Variants in ZYG11A observed in about 807,000 individuals in gnomAD.
ZYG11A encodes the protein zyg-11 family member A, cell cycle regulator.
Under a neutral mutation model 77.2 loss-of-function variants are expected in ZYG11A, and 62 were observed. The ratio of observed to expected loss-of-function variants is 0.80; its 90% CI spans 0.65 to 0.99. ZYG11A has a LOEUF of 0.99. Ranked by LOEUF, ZYG11A falls within the 50% of genes least tolerant of loss-of-function variation. The pLI, the probability that ZYG11A is intolerant of heterozygous loss-of-function variation, is 0.00. For synonymous variants in ZYG11A, 315 were observed against 324.6 expected, an observed-to-expected ratio of 0.97 and a Z score of 0.32; for missense variants, 828 against 896.8, an observed-to-expected ratio of 0.92 and a Z score of 0.98.
chr1:52,874,642 G>A (rs957700470), intron 8 of ZYG11A, among the ~76,000 whole-genome samples: 13 of 152,124 alleles, frequency 8.5e-5, no homozygotes, highest in Admixed American at 2.6e-4. Context: ...TGAGGCAGGC[G>A]GATCATGTGA....
chr1:52,869,791 G>A (rs1211797758), intron 8 of ZYG11A, among the ~76,000 whole-genome samples: 2 of 151,788 alleles, frequency 1.3e-5, no homozygotes, highest in Admixed American at 6.6e-5. Context: ...TGGCTGGGCA[G>A]AGGGGCTCCT....
In ZYG11A at chr1:52,860,741, G is replaced by GAT; in HGVS notation, c.1020_1021insTA (p.Ala341Ter). The GAT allele has an allele frequency of 6.4e-7, 1 of 1,550,470 alleles. No individual in the cohort carries two copies. The highest frequency in any genetic ancestry group is 2.4e-5 in the East Asian group (1 of 40,916). Reference sequence around the variant, plus strand: ...CATCTTTATTTTCAGGTTGCTGGAGGAGCCAGTATGAGTCAGATTTCAGAA... The same window carrying GAT: ...CATCTTTATTTTCAGGTTGCTGGAGGATAGCCAGTATGAGTCAGATTTCAGAA... On this transcript the variant is annotated frameshift_variant, in exon 4 of 14. Coordinates refer to ENST00000371528, the MANE Select transcript of ZYG11A (RefSeq NM_001004339.3). LOFTEE classifies it high-confidence loss of function.
At chr1:52,877,040 C>G (rs922279574) in intron 8 of ZYG11A, among the ~76,000 whole-genome samples, 1 of 152,126 alleles carries the variant, frequency 6.6e-6, no homozygotes, top group Admixed American at 6.5e-5. Context: ...GCCTGGTGTT[C>G]TAGCCCCACT....
intron 1 of ZYG11A, 69 bp from the exon 2 acceptor site, chr1:52,854,396 A>C: frequency 7.8e-6 from 11 of 1,412,234 alleles, no homozygotes; most frequent in Non-Finnish European, 1.0e-5. Flanking sequence ...TAGGTATGGC[A>C]TGACCAGTTT....
At chr1:52,856,110 C>G (rs1030979636) in intron 2 of ZYG11A, among the ~76,000 whole-genome samples, 4 of 152,142 alleles carry the variant, frequency 2.6e-5, no homozygotes, top group Non-Finnish European at 5.9e-5. Flanking sequence ...TCTCCACGTT[C>G]TCACCAAGAC....
In ZYG11A at chr1:52,854,637, A is replaced by G. The variant is rs1472910636; in HGVS notation, c.256+7A>G. On this transcript the variant is annotated splice_region_variant and intron_variant, in intron 2 of 13. Coordinates refer to ENST00000371528, the MANE Select transcript of ZYG11A (RefSeq NM_001004339.3). ...AGGGTGATGACTTGGCAAGGTAGTGATAAGGCTTCTCTAAAGTCAGCTCTT... is the reference window on the plus strand; with the variant it reads ...AGGGTGATGACTTGGCAAGGTAGTGGTAAGGCTTCTCTAAAGTCAGCTCTT... 6.6e-7 allele frequency: 1 copy of G among 1,517,212 alleles called. No individual in the cohort carries two copies. Among genetic ancestry groups the G allele is most frequent in the Non-Finnish European group, 8.9e-7 (1 of 1,123,536 alleles). The allele number at this position is 1,517,212 out of a possible 1,614,324, so 94.0% of individuals were successfully genotyped here. A position where few individuals can be genotyped will look rare whatever the true frequency, so the allele number is the denominator to read the frequency against.
chr1:52,851,755 T>C (rs1269370348), intron 1 of ZYG11A, among the ~76,000 whole-genome samples: 1 of 151,626 alleles, frequency 6.6e-6, no homozygotes, highest in Non-Finnish European at 1.5e-5. Context: ...CTTACTTATT[T>C]TTTATTTTTT....
At chr1:52,876,993 G>T (rs1646272795) in intron 8 of ZYG11A, among the ~76,000 whole-genome samples, 1 of 152,098 alleles carries the variant, frequency 6.6e-6, no homozygotes, top group African/African-American at 2.4e-5. Context: ...TGAACCAGTG[G>T]CCTCTTCAAG....
At chr1:52,865,115 T>A (rs1268311078) in intron 5 of ZYG11A, among the ~76,000 whole-genome samples, 1 of 152,050 alleles carries the variant, frequency 6.6e-6, no homozygotes, top group Non-Finnish European at 1.5e-5. Context: ...GTTGATTTTG[T>A]ATTTTTAGTA....
chr1:52,861,461 G>A (rs908075356), intron 4 of ZYG11A, among the ~76,000 whole-genome samples: 2 of 152,126 alleles, frequency 1.3e-5, no homozygotes, highest in African/African-American at 4.8e-5. Flanking sequence ...CCAGCACTTT[G>A]GGAGGCCGAA....
intron 13 of ZYG11A, among the ~76,000 whole-genome samples, chr1:52,889,713 AT>A (rs34588418): frequency 0.58 from 76,230 of 132,446 alleles, 20,858 homozygotes; most frequent in African/African-American, 0.65. Flanking sequence ...GCTAAATACC[AT>A]TTTTTTTTTT....
chr1:52,844,308 A>G (rs1645521070), intron 1 of ZYG11A, among the ~76,000 whole-genome samples: 1 of 152,206 alleles, frequency 6.6e-6, no homozygotes, highest in South Asian at 2.1e-4. Context: ...CTAGCCTGTA[A>G]TCTTTTGAAC....
In ZYG11A at chr1:52,842,850, G is replaced by C. The variant is rs1011110599; in HGVS notation, c.-34G>C. On this transcript the variant is annotated 5_prime_UTR_variant, in exon 1 of 14. Coordinates refer to ENST00000371528, the MANE Select transcript of ZYG11A (RefSeq NM_001004339.3). Reference sequence around the variant, plus strand: ...GGATCCGGGCTCCGGCTCGACGCCGGCTCTCTTTTTGACGCCCCGCCGCCG... The same window carrying C: ...GGATCCGGGCTCCGGCTCGACGCCGCCTCTCTTTTTGACGCCCCGCCGCCG... The C allele has an allele frequency of 1.3e-6, 2 of 1,523,278 alleles. No homozygotes were observed. Among genetic ancestry groups the C allele is most frequent in the South Asian group, 1.2e-5 (1 of 81,186 alleles). 94.4% of individuals were successfully genotyped at this position (1,523,278 alleles called of 1,614,324 possible).
At chr1:52,878,121 G>T (rs1486278343) in intron 10 of ZYG11A, among the ~76,000 whole-genome samples, 152 bp downstream of exon 10, 1 of 152,174 alleles carries the variant, frequency 6.6e-6, no homozygotes, top group Non-Finnish European at 1.5e-5. Flanking sequence ...AAATACTATT[G>T]TATATCAGTT....
intron 13 of ZYG11A, among the ~76,000 whole-genome samples, chr1:52,887,366 T>G (rs948563443): frequency 6.6e-6 from 1 of 152,190 alleles, no homozygotes; most frequent in Non-Finnish European, 1.5e-5. Flanking sequence ...ATATTTAGTA[T>G]GTGCTGTATA....
Position 52,878,027 on chromosome 1 carries a change from T to C in ZYG11A, c.1749+58T>C, listed in dbSNP as rs1571872813. The C allele has an allele frequency of 1.9e-5, 27 of 1,397,446 alleles. No individual in the cohort carries two copies. In the East Asian group the frequency reaches 2.2e-4, roughly 12 times the overall value. 86.6% of individuals were successfully genotyped at this position (1,397,446 alleles called of 1,614,324 possible). On this transcript the variant is annotated intron_variant, in intron 10 of 13. Transcript: ENST00000371528. ...GCTTAAAAGCAAAACCTAACACTTA[T>C]ATAGTACCTACTATATGCTAGGCAG...
At chr1:52,885,348 T>A (rs1646431132) in intron 11 of ZYG11A, among the ~76,000 whole-genome samples, 1 of 151,602 alleles carries the variant, frequency 6.6e-6, no homozygotes, top group Non-Finnish European at 1.5e-5. Context: ...TTTTGTTTTT[T>A]TTTTTGAGAT....
intron 1 of ZYG11A, among the ~76,000 whole-genome samples, chr1:52,846,324 A>T (rs1472380407): frequency 0.029 from 177 of 6,022 alleles, 6 homozygotes; most frequent in African/African-American, 0.13. Flanking sequence ...ATATATATAT[A>T]TATATATATA....
chr1:52,847,446 C>T (rs892344464), intron 1 of ZYG11A, among the ~76,000 whole-genome samples: 4 of 151,846 alleles, frequency 2.6e-5, no homozygotes, highest in Non-Finnish European at 4.4e-5. Context: ...GTGATCGGCC[C>T]GCCTTGGCCT....
Sources: allele counts gnomAD v4.1 joint callset (sites outside exome capture counted in the v4.1 genomes callset), GRCh38; gene constraint gnomAD v4.1.1; transcripts MANE v1.5; gene names NCBI Gene and HGNC (gene_info 2026-07-23, HGNC 2026-07-21).